The following GRM7 variants were observed in gnomAD, a reference collection of about 807,000 sequenced individuals.
The protein encoded by GRM7 is glutamate metabotropic receptor 7.
In GRM7, 35 loss-of-function variants were observed where a neutral mutation model predicts 84.5. The observed-to-expected ratio is 0.41, with a 90% CI of 0.32 to 0.55. GRM7 has a LOEUF of 0.55. GRM7 is among the 20% of genes least tolerant of loss of function. The pLI is 0.19. For synonymous variants in GRM7, 487 were observed against 455.1 expected, an observed-to-expected ratio of 1.07 and a Z score of -0.89; for missense variants, 1,003 against 1,194.6, an observed-to-expected ratio of 0.84 and a Z score of 2.36.
chr3:7,621,940 C>T (rs1421679045), intron 8 of GRM7, among the ~76,000 whole-genome samples: 8 of 152,114 alleles, frequency 5.3e-5, no homozygotes, highest in Non-Finnish European at 1.0e-4. Context: ...TTGTTAAATT[C>T]TACTTGTGAA....
chr3:7,099,497 T>C (rs1260941899), intron 1 of GRM7, among the ~76,000 whole-genome samples: 3 of 145,686 alleles, frequency 2.1e-5, no homozygotes, highest in Admixed American at 1.4e-4. Context: ...GTACACGCAT[T>C]ATACATGTAC....
At chr3:7,306,061 A>G (rs1700184432) in intron 3 of GRM7, among the ~76,000 whole-genome samples, 1 of 152,176 alleles carries the variant, frequency 6.6e-6, no homozygotes, top group Non-Finnish European at 1.5e-5. Context: ...TTAATTCATA[A>G]TCATATTGCT....
intron 1 of GRM7, among the ~76,000 whole-genome samples, chr3:7,028,663 T>C (rs1030640634): frequency 6.6e-6 from 1 of 152,192 alleles, no homozygotes. Context: ...ATCCCTATGA[T>C]TCTGTGAGTT....
chr3:7,181,891 G>A (rs916646044), intron 2 of GRM7, among the ~76,000 whole-genome samples: 17 of 152,132 alleles, frequency 1.1e-4, no homozygotes, highest in Non-Finnish European at 1.9e-4. Context: ...GATTACAGGT[G>A]TGAGCCACCT....
At chr3:7,305,565 T>G (rs1700165388) in intron 3 of GRM7, among the ~76,000 whole-genome samples, 1 of 92,794 alleles carries the variant, frequency 1.1e-5, no homozygotes, top group Admixed American at 9.9e-5. Context: ...ATCTCATTGT[T>G]CAATTCCCAC....
intron 1 of GRM7, among the ~76,000 whole-genome samples, chr3:6,868,077 A>G (rs1458870771): frequency 2.0e-5 from 3 of 152,210 alleles, no homozygotes; most frequent in African/African-American, 7.2e-5. Flanking sequence ...AGTCCTTACC[A>G]TAAGCCACTG....
chr3:7,098,005 A>G (rs922334542), intron 1 of GRM7, among the ~76,000 whole-genome samples: 2 of 152,104 alleles, frequency 1.3e-5, no homozygotes, highest in African/African-American at 4.8e-5. Flanking sequence ...TAAAATGACA[A>G]AGGGACAAAA....
chr3:7,676,995 C>T (rs1190485229), intron 8 of GRM7, among the ~76,000 whole-genome samples: 2 of 152,054 alleles, frequency 1.3e-5, no homozygotes, highest in Non-Finnish European at 2.9e-5. Context: ...GGCATGGTGG[C>T]TCACGCCTGT....
Position 7,218,067 on chromosome 3 carries a change from A to G in GRM7, c.736+71399A>G, listed in dbSNP as rs573221944. On this transcript the variant is annotated intron_variant, in intron 2 of 9. Transcript: ENST00000357716. Reference sequence around the variant, plus strand: ...AATAACAAGGTTATCTTTTATTATGACTCTGTAGTGACTGGGATATGACTA... The same window carrying G: ...AATAACAAGGTTATCTTTTATTATGGCTCTGTAGTGACTGGGATATGACTA... 2.6e-5 allele frequency among the ~76,000 whole-genome samples: 4 copies of G among 152,152 alleles called. No individual in the cohort carries two copies. The South Asian group carries it at 6.2e-4, about 24-fold the overall frequency.
chr3:7,507,733 C>T (rs1700080504), intron 7 of GRM7, among the ~76,000 whole-genome samples: 1 of 152,138 alleles, frequency 6.6e-6, no homozygotes, highest in Non-Finnish European at 1.5e-5. Context: ...TTATAAAATA[C>T]TGCTTATTTT....
rs780911261 is a variant in GRM7 at position 7,578,709 on chromosome 3, G to C, written c.1803G>C (p.Gly601=). The stretch of plus-strand genomic sequence containing the variant: ...TTCCTGTCTTCCTGGCAATGTTGGG[G>C]ATCATTGCCACCATCTTTGTCATGG... ...AVIPVFLAML[G]IIATIFVMAT... Residue 601 remains glycine, a synonymous_variant, in exon 8 of 10, where the codon GGG becomes GGC. Coordinates refer to ENST00000357716, the MANE Select transcript of GRM7 (RefSeq NM_000844.4). The C allele has an allele frequency of 1.9e-6, 3 of 1,613,968 alleles. No homozygotes were observed. Among genetic ancestry groups the C allele is most frequent in the South Asian group, 2.2e-5 (2 of 91,086 alleles).
chr3:7,089,673 G>A (rs1698594208), intron 1 of GRM7, among the ~76,000 whole-genome samples: 2 of 152,142 alleles, frequency 1.3e-5, no homozygotes, highest in South Asian at 2.1e-4. Flanking sequence ...TTGTTCAAGA[G>A]TTTGTAAACT....
At chr3:7,276,266 C>T (rs570685823) in intron 2 of GRM7, among the ~76,000 whole-genome samples, 177 of 149,568 alleles carry the variant, frequency 1.2e-3, no homozygotes, top group Middle Eastern at 3.5e-3. Context: ...TAATTGTCCT[C>T]TCAATGTAGA....
intron 2 of GRM7, among the ~76,000 whole-genome samples, chr3:7,251,639 A>G (rs556563317): frequency 1.8e-4 from 28 of 152,256 alleles, no homozygotes; most frequent in African/African-American, 6.7e-4. Context: ...ACCACTGACT[A>G]TATGGTTCAG....
At chr3:7,191,149 G>A (rs758765145) in intron 2 of GRM7, among the ~76,000 whole-genome samples, 7 of 152,030 alleles carry the variant, frequency 4.6e-5, no homozygotes, top group Non-Finnish European at 7.4e-5. Flanking sequence ...GAGGATAATC[G>A]AAATTGAAGA....
At chr3:7,535,198 A>G (rs1229374620) in intron 7 of GRM7, 4 of 152,132 alleles carry the variant, frequency 2.6e-5, no homozygotes, top group Admixed American at 2.6e-4. Flanking sequence ...CCCCCAAACA[A>G]TTAGTGTCTC....
At chr3:7,101,096 C>T (rs1434007135) in intron 1 of GRM7, among the ~76,000 whole-genome samples, 4 of 151,660 alleles carry the variant, frequency 2.6e-5, no homozygotes, top group Non-Finnish European at 5.9e-5. Flanking sequence ...GATATGTTTT[C>T]ATTTTTCTGG....
intron 2 of GRM7, among the ~76,000 whole-genome samples, chr3:7,259,261 G>A (rs1698319644): frequency 6.6e-6 from 1 of 152,158 alleles, no homozygotes; most frequent in Non-Finnish European, 1.5e-5. Flanking sequence ...GATCAAATGA[G>A]CAAGTGTATT....
At chr3:7,311,769 A>G (rs770016368) in intron 4 of GRM7, among the ~76,000 whole-genome samples, 2 of 151,746 alleles carry the variant, frequency 1.3e-5, no homozygotes, top group Non-Finnish European at 2.9e-5. Flanking sequence ...TAATATTTGT[A>G]TTTTTAGTAG....
Sources: gnomAD v4.1 joint callset for allele counts (sites outside exome capture counted in the v4.1 genomes callset) on GRCh38, gnomAD v4.1.1 for gene constraint, MANE v1.5 for transcripts, NCBI Gene and HGNC (gene_info 2026-07-23, HGNC 2026-07-21) for gene names.